ANXA6: variants seen among roughly 807,000 people sequenced by gnomAD.
ANXA6 encodes 67 kDa calelectrin.
In ANXA6, 71 loss-of-function variants were observed where a neutral mutation model predicts 95.4. The observed-to-expected ratio is 0.74, with a 90% CI of 0.61 to 0.91. The LOEUF (loss-of-function observed/expected upper bound fraction) is 0.91. Among genes scored for constraint, ANXA6 ranks in the 40% least tolerant of loss-of-function variants. The probability of loss-of-function intolerance (pLI) is 0.00; values close to 1 mark genes in which losing one functional copy is unlikely to be tolerated. For missense variants in ANXA6, 830 were observed against 876.4 expected, an observed-to-expected ratio of 0.95 and a Z score of 0.67; for synonymous variants, 289 against 315.9, an observed-to-expected ratio of 0.91 and a Z score of 0.90.
chr5:151,136,256 C>T lies in ANXA6; in HGVS notation c.489G>A (p.Gln163=), dbSNP rs749163539. ...HFQKMLVVLL[Q]GTREEDDVVS... The stretch of plus-strand genomic sequence containing the variant: ...GGAAAAAAATAGGCTGTGAACCAAC[C>T]TGGAGCAGGACCACAAGCATCTTCT... Residue 163 remains glutamine, a splice_region_variant and synonymous_variant, in exon 7 of 26, where the codon CAG becomes CAA. Transcript: ENST00000354546. 1 of 1,613,946 alleles carries T rather than the reference C, an allele frequency of 6.2e-7. No homozygotes were observed. Among genetic ancestry groups the T allele is most frequent in the Admixed American group, 1.7e-5 (1 of 60,030 alleles).
At chr5:151,126,269 G>T (rs1484614200) in intron 14 of ANXA6, 133 bp downstream of exon 14, 3 of 724,090 alleles carry the variant, frequency 4.1e-6, no homozygotes, top group Non-Finnish European at 7.2e-6. Context: ...GGGAGAAAAG[G>T]AAGCTTCAGA....
At chr5:151,144,054 G>A (rs1415978452) in intron 2 of ANXA6, among the ~76,000 whole-genome samples, 1 of 152,158 alleles carries the variant, frequency 6.6e-6, no homozygotes, top group African/African-American at 2.4e-5. Context: ...AGCGGGGAAG[G>A]CAAAGAGATG....
Position 151,131,289 on chromosome 5 carries a change from A to G in ANXA6, c.737T>C (p.Val246Ala). ...TTCCGGGGTGCTCCGGATACACTTC[A>G]CTGTGAAGAGGGAGGAAGAGGTAGA... is the stretch of plus-strand genomic sequence containing the variant. ...GDFEKLMLAVVKCIRSTPEYF... is the reference protein window; with the variant it reads ...GDFEKLMLAVAKCIRSTPEYF... The change falls in exon 11 of 26, where the codon GTG becomes GCG. Residue 246 changes from valine to alanine, a missense_variant and splice_region_variant. Physicochemically the swap from Val to Ala is moderately conservative, Grantham distance 64. Coordinates refer to ENST00000354546, the MANE Select transcript of ANXA6 (RefSeq NM_001155.5). The G allele has an allele frequency of 6.2e-7, 1 of 1,613,864 alleles. No homozygotes were observed. The highest frequency in any genetic ancestry group is 8.5e-7 in the Non-Finnish European group (1 of 1,179,830).
At chr5:151,134,398 C>A in intron 8 of ANXA6, 29 bp downstream of exon 8, 1 of 1,613,124 alleles carries the variant, frequency 6.2e-7, no homozygotes. Context: ...TCTGCTGTGC[C>A]TCAGGGACTT....
intron 25 of ANXA6, 150 bp from the exon 26 acceptor site, chr5:151,101,657 C>G (rs1764555131): frequency 1.4e-6 from 1 of 724,482 alleles, no homozygotes; most frequent in Admixed American, 2.1e-5. Context: ...ACTGGGATCT[C>G]CCAGACACAT....
intron 2 of ANXA6, among the ~76,000 whole-genome samples, chr5:151,141,027 G>A (rs1262449068): frequency 6.6e-6 from 1 of 152,254 alleles, no homozygotes; most frequent in Non-Finnish European, 1.5e-5. Context: ...TCTGGGCCCA[G>A]TAAACTGCGC....
chr5:151,107,677 A>G (rs1291400163), intron 23 of ANXA6, among the ~76,000 whole-genome samples: 2 of 152,246 alleles, frequency 1.3e-5, no homozygotes, highest in East Asian at 3.8e-4. Flanking sequence ...ATGAAACAAG[A>G]TACCACTAAT....
At chr5:151,135,789 G>C (rs188684020) in intron 7 of ANXA6, among the ~76,000 whole-genome samples, 416 of 152,294 alleles carry the variant, frequency 2.7e-3, no homozygotes, top group Non-Finnish European at 4.9e-3. Context: ...AACTTGTTTT[G>C]CTTTCTTTCT....
At chr5:151,106,658 C>T (rs2113893277) in intron 23 of ANXA6, among the ~76,000 whole-genome samples, 1 of 152,288 alleles carries the variant, frequency 6.6e-6, no homozygotes, top group East Asian at 1.9e-4. Context: ...CTCTCTAAAT[C>T]AAATCCCATC....
rs375346713 is a variant in ANXA6 at position 151,137,233 on chromosome 5, T to C, written c.407A>G (p.Asp136Gly). 6.2e-7 allele frequency: 1 copy of C among 1,613,332 alleles called. No homozygotes were observed. The highest frequency in any genetic ancestry group is 1.3e-5 in the African/African-American group (1 of 74,906). Residue 136 changes from aspartate to glycine, a missense_variant and splice_region_variant, in exon 6 of 26, where the codon GAT becomes GGT. By Grantham distance (94) the Asp-to-Gly change is moderately conservative. Transcript: ENST00000354546. ...QMHQLVAAYKDAYERDLEADI... is the reference protein window; with the variant it reads ...QMHQLVAAYKGAYERDLEADI... The stretch of plus-strand genomic sequence containing the variant: ...GCGGCCCCTCCTGCCCATCTCACCA[T>C]CTTTGTATGCTGCCACCAGCTGGTG...
chr5:151,146,973 A>G (rs1765990448), intron 2 of ANXA6, among the ~76,000 whole-genome samples: 1 of 152,166 alleles, frequency 6.6e-6, no homozygotes, highest in African/African-American at 2.4e-5. Context: ...GGGTTCTGCC[A>G]TATTGTCCAG....
chr5:151,127,957 C>T lies in ANXA6; in HGVS notation c.977+224G>A, dbSNP rs1765374391. On this transcript the variant is annotated intron_variant, in intron 13 of 25. Transcript: ENST00000354546. Reference sequence around the variant, plus strand: ...TCCAAGTTCACAAGAGCAGACATCTCCATATACAGGAGACCACGCTCACGT... The same window carrying T: ...TCCAAGTTCACAAGAGCAGACATCTTCATATACAGGAGACCACGCTCACGT... Among the ~76,000 whole-genome samples, 3 of 152,166 alleles carry T rather than the reference C, an allele frequency of 2.0e-5. No individual in the cohort carries two copies. The South Asian group carries it at 6.2e-4, about 31-fold the overall frequency.
chr5:151,134,326 G>A, intron 8 of ANXA6, 101 bp downstream of exon 8: 2 of 1,125,494 alleles, frequency 1.8e-6, no homozygotes, highest in African/African-American at 3.1e-5. Context: ...TCTGGTATTT[G>A]ATGCAAATGA....
intron 14 of ANXA6, among the ~76,000 whole-genome samples, chr5:151,125,808 C>T (rs1034452416): frequency 7.2e-5 from 11 of 152,228 alleles, no homozygotes; most frequent in African/African-American, 1.9e-4. Flanking sequence ...AAGAGATCAC[C>T]GAGATTGCCA....
chr5:151,109,839 G>T lies in ANXA6; in HGVS notation c.1598C>A (p.Ala533Glu), dbSNP rs770578784. 4.4e-6 allele frequency: 7 copies of T among 1,602,310 alleles called. No individual in the cohort carries two copies. The highest frequency in any genetic ancestry group is 6.0e-6 in the Non-Finnish European group (7 of 1,173,472). The change falls in exon 22 of 26, where the codon GCA becomes GAA. Residue 533 changes from alanine to glutamate, a missense_variant. By Grantham distance (107) the Ala-to-Glu change is moderately radical. Transcript: ENST00000354546. ...AGTTTTGTCTCCACTAGGTGTGTCTGCTATTTCCTGCAGAGCCCCAGTTGG... is the reference window on the plus strand; with the variant it reads ...AGTTTTGTCTCCACTAGGTGTGTCTTCTATTTCCTGCAGAGCCCCAGTTGG... ...AQVAAEILEI[A>E]DTPSGDKTSL...
intron 17 of ANXA6, among the ~76,000 whole-genome samples, chr5:151,120,697 C>T (rs555198686): frequency 4.3e-4 from 65 of 151,666 alleles, no homozygotes; most frequent in Middle Eastern, 3.4e-3. Context: ...CCAGCCTGGG[C>T]GAAAGAGCGA....
chr5:151,101,841 T>C (rs1018062391), intron 25 of ANXA6, among the ~76,000 whole-genome samples: 1 of 152,142 alleles, frequency 6.6e-6, no homozygotes, highest in African/African-American at 2.4e-5. Context: ...AACATGCCCC[T>C]GTGCACCCCC....
intron 24 of ANXA6, 132 bp from the exon 25 acceptor site, chr5:151,103,824 C>T: frequency 1.7e-6 from 2 of 1,157,362 alleles, no homozygotes; most frequent in Non-Finnish European, 2.3e-6. Context: ...CCACCTCTGT[C>T]TTCTGCAAAC....
Position 151,109,734 on chromosome 5 carries a change from G to A in ANXA6, c.1684+19C>T, listed in dbSNP as rs769734397. 2 of 1,579,146 alleles carry A rather than the reference G, an allele frequency of 1.3e-6. No individual in the cohort carries two copies. The highest frequency in any genetic ancestry group is 1.7e-5 in the Admixed American group (1 of 58,230). ...GGGATCTTCCTGCTGAGCTGGGAAG[G>A]GAGGAGGTCAGGCCTCACCTCTCCG... On this transcript the variant is annotated intron_variant, in intron 22 of 25. Coordinates refer to ENST00000354546, the MANE Select transcript of ANXA6 (RefSeq NM_001155.5).
Sources: allele counts gnomAD v4.1 joint callset (sites outside exome capture counted in the v4.1 genomes callset), GRCh38; gene constraint gnomAD v4.1.1; transcripts MANE v1.5; gene names NCBI Gene and HGNC (gene_info 2026-07-23, HGNC 2026-07-21).